Variants in CCDC150 observed in about 807,000 individuals in gnomAD.
The protein encoded by CCDC150 is coiled-coil domain-containing protein 150.
CCDC150 carries 151 observed loss-of-function variants against 156.5 expected under a neutral mutation model. That is an observed-to-expected ratio of 0.97 (90% CI 0.85 to 1.10). The LOEUF is 1.10. CCDC150 is among the 50% of genes least tolerant of loss of function. The probability of loss-of-function intolerance (pLI) is 0.00; values close to 1 mark genes in which losing one functional copy is unlikely to be tolerated. For synonymous variants in CCDC150, 452 were observed against 429.4 expected (o/e 1.05, Z -0.65); for missense variants, 1,312 against 1,268.1 (o/e 1.03, Z -0.53).
chr2:196,666,903 G>A, intron 7 of CCDC150, 55 bp downstream of exon 7: 1 of 1,597,250 alleles, frequency 6.3e-7, no homozygotes, highest in Admixed American at 1.7e-5. Context: ...AGATTTCATG[G>A]AAAAACTCTT....
rs541414214 is a variant in CCDC150 at position 196,651,698 on chromosome 2, AAACTCTTTGTCTTT to A, written c.177-4930_177-4917del. On this transcript the variant is annotated intron_variant, in intron 2 of 27. Transcript: ENST00000389175. ...AGCTACTTTTCCCTTGATGCTTTTA[AAACTCTTTGTCTTT>A]AACTTTTGACAATTTGATGATAATG... Among the ~76,000 whole-genome samples, 943 of 152,292 alleles carry A rather than the reference AAACTCTTTGTCTTT, an allele frequency of 6.2e-3. 10 individuals are homozygous for A. The highest frequency in any genetic ancestry group is 0.027 in the South Asian group (130 of 4,820).
chr2:196,651,675 C>G (rs1389133704), intron 2 of CCDC150, among the ~76,000 whole-genome samples: 1 of 152,196 alleles, frequency 6.6e-6, no homozygotes, highest in Non-Finnish European at 1.5e-5. Flanking sequence ...ATGTAACAAG[C>G]TACTTTTCCC....
chr2:196,695,825 A>G (rs1024007073), intron 14 of CCDC150, among the ~76,000 whole-genome samples: 1 of 152,138 alleles, frequency 6.6e-6, no homozygotes, highest in Non-Finnish European at 1.5e-5. Flanking sequence ...AAAAAAAAAA[A>G]AATCTTCTCC....
chr2:196,721,521 G>T lies in CCDC150; in HGVS notation c.2260-1G>T, dbSNP rs1189494220. The T allele has an allele frequency of 6.3e-7, 1 of 1,595,658 alleles. No homozygotes were observed. The highest frequency in any genetic ancestry group is 1.8e-5 in the Admixed American group (1 of 56,804). On this transcript the variant is annotated splice_acceptor_variant, in intron 20 of 27. Coordinates refer to ENST00000389175, the MANE Select transcript of CCDC150 (RefSeq NM_001080539.2). LOFTEE classifies it high-confidence loss of function. ...ATTGAAAACATGCTTCTCTCTTTCA[G>T]ATTGAATCTCTACAAAAAGCTCTAG... is the stretch of plus-strand genomic sequence containing the variant.
chr2:196,641,311 C>T (rs1692219882), intron 1 of CCDC150, among the ~76,000 whole-genome samples: 1 of 152,022 alleles, frequency 6.6e-6, no homozygotes, highest in Admixed American at 6.6e-5. Context: ...CTGACCTCAT[C>T]TCTCAATGTT....
chr2:196,691,077 T>C (rs201512334), intron 13 of CCDC150, among the ~76,000 whole-genome samples: 1 of 13,212 alleles, frequency 7.6e-5, no homozygotes, highest in African/African-American at 1.4e-4. Flanking sequence ...GCAGATAAGC[T>C]TTTCGATATG....
chr2:196,673,065 A>G (rs1022339316), intron 9 of CCDC150, among the ~76,000 whole-genome samples: 2 of 152,188 alleles, frequency 1.3e-5, no homozygotes, highest in Non-Finnish European at 2.9e-5. Flanking sequence ...GGCTCTGTGT[A>G]TAATAAAAAT....
intron 21 of CCDC150, among the ~76,000 whole-genome samples, chr2:196,725,732 T>C (rs1698171749): frequency 6.6e-6 from 1 of 152,150 alleles, no homozygotes. Flanking sequence ...TCGATGTGAG[T>C]TTTTTACTCG....
intron 13 of CCDC150, among the ~76,000 whole-genome samples, chr2:196,694,815 TCA>T (rs1288923318): frequency 6.6e-6 from 1 of 152,108 alleles, no homozygotes; most frequent in East Asian, 1.9e-4. Context: ...TGAGCCAAGA[TCA>T]CACAACTGCA....
chr2:196,672,404 A>ATGAAGCATC lies in CCDC150; in HGVS notation c.996_997insTGAAGCATC (p.Ile332_Met333insTer). 1 of 1,545,636 alleles carries ATGAAGCATC rather than the reference A, an allele frequency of 6.5e-7. No individual in the cohort carries two copies. The highest frequency in any genetic ancestry group is 8.7e-7 in the Non-Finnish European group (1 of 1,148,002). On this transcript the variant is annotated stop_gained and inframe_insertion, in exon 9 of 28. Transcript: ENST00000389175. LOFTEE classifies it high-confidence loss of function. ...AAAATGCATATTTGAGGTCCGAAATAATGTCTCTTCATGAAGCATCAGAAA... is the reference window on the plus strand; with the variant it reads ...AAAATGCATATTTGAGGTCCGAAATATGAAGCATCATGTCTCTTCATGAAGCATCAGAAA...
rs1698432342 is a variant in CCDC150 at position 196,729,854 on chromosome 2, A to G, written c.2813A>G (p.Tyr938Cys). The G allele has an allele frequency of 8.1e-6, 13 of 1,602,688 alleles. No homozygotes were observed. Among genetic ancestry groups the G allele is most frequent in the Non-Finnish European group, 1.1e-5 (13 of 1,172,954 alleles). Residue 938 changes from tyrosine to cysteine, a missense_variant, in exon 24 of 28, where the codon TAT (tyrosine) becomes TGT (cysteine). Coordinates refer to ENST00000389175, the MANE Select transcript of CCDC150 (RefSeq NM_001080539.2). ...LIKDQYQKKN[Y>C]EQSLSIQRFV... ...AAGGATCAATATCAGAAAAAGAACT[A>G]TGAACAGGTAGATGATTTCCATATA...
chr2:196,708,117 C>G (rs1696807353), intron 15 of CCDC150, among the ~76,000 whole-genome samples: 1 of 152,120 alleles, frequency 6.6e-6, no homozygotes, highest in Non-Finnish European at 1.5e-5. Flanking sequence ...GTTAAAGTCT[C>G]CCACTATTAT....
At chr2:196,657,321 G>A in intron 4 of CCDC150, 185 bp downstream of exon 4, 1 of 567,818 alleles carries the variant, frequency 1.8e-6, no homozygotes, top group Non-Finnish European at 3.1e-6. Context: ...CTAAACCACT[G>A]TGTGCTATCT....
intron 13 of CCDC150, among the ~76,000 whole-genome samples, chr2:196,685,914 G>A (rs539176560): frequency 4.6e-5 from 7 of 151,948 alleles, no homozygotes; most frequent in Non-Finnish European, 8.8e-5. Flanking sequence ...GCGCCCAGCC[G>A]GTTGAATGTT....
chr2:196,676,402 TAAAG>T (rs1694507554), intron 11 of CCDC150, 135 bp downstream of exon 11: 1 of 1,337,458 alleles, frequency 7.5e-7, no homozygotes. Context: ...AGAGCTAAAA[TAAAG>T]ACTCTGCCCT....
chr2:196,661,149 T>C (rs1351664025), intron 5 of CCDC150, among the ~76,000 whole-genome samples: 1 of 152,214 alleles, frequency 6.6e-6, no homozygotes, highest in African/African-American at 2.4e-5. Flanking sequence ...TGAATTTTGA[T>C]TAAGCTCTGT....
At chr2:196,703,919 A>G (rs1416477634) in intron 15 of CCDC150, among the ~76,000 whole-genome samples, 1 of 152,186 alleles carries the variant, frequency 6.6e-6, no homozygotes, top group African/African-American at 2.4e-5. Context: ...TTGAAGAAAC[A>G]CTTTTTGAAC....
intron 5 of CCDC150, 24 bp downstream of exon 5, chr2:196,658,884 G>A (rs1402117458): frequency 6.5e-7 from 1 of 1,540,714 alleles, no homozygotes; most frequent in South Asian, 1.2e-5. Flanking sequence ...ATGGAGGGTG[G>A]AGGAGGTGTT....
intron 22 of CCDC150, among the ~76,000 whole-genome samples, chr2:196,728,451 T>G (rs1559282358): frequency 1.3e-5 from 2 of 152,184 alleles, no homozygotes; most frequent in African/African-American, 4.8e-5. Context: ...CTTCCTGTCT[T>G]CTCCCTTCTC....
Sources: gnomAD v4.1 joint callset for allele counts (sites outside exome capture counted in the v4.1 genomes callset) on GRCh38, gnomAD v4.1.1 for gene constraint, MANE v1.5 for transcripts, NCBI Gene and HGNC (gene_info 2026-07-23, HGNC 2026-07-21) for gene names.